The following ARL2BP variants were observed in gnomAD, a reference collection of about 807,000 sequenced individuals.
ARL2BP encodes ARF like GTPase 2 binding protein, also known as ADP-ribosylation factor-like protein 2-binding protein.
ARL2BP carries 19 observed loss-of-function variants against 24.2 expected under a neutral mutation model. That is an observed-to-expected ratio of 0.79 (90% confidence interval 0.55 to 1.15). The LOEUF is 1.15. Among genes scored for constraint, ARL2BP ranks in the 50% most tolerant of loss-of-function variants. The pLI, the probability that ARL2BP is intolerant of heterozygous loss-of-function variation, is 0.00. For missense variants in ARL2BP, 160 were observed against 190.4 expected (o/e 0.84, Z 0.94); for synonymous variants, 56 against 70.5 (o/e 0.79, Z 1.03).
intron 3 of ARL2BP, 172 bp from the exon 4 acceptor site, chr16:57,249,595 A>C: frequency 1.6e-6 from 1 of 609,050 alleles, no homozygotes; most frequent in Non-Finnish European, 2.9e-6. Context: ...CAGGCTGAGT[A>C]CTTCTCCAGG....
At position 57,252,545 on chromosome 16, in the gene ARL2BP, T is replaced by TGTCA. The variant is rs1273645670; in HGVS notation, c.*280_*283dup. 13 of 463,286 alleles carry TGTCA rather than the reference T, an allele frequency of 2.8e-5. No homozygotes were observed. Among genetic ancestry groups the TGTCA allele is most frequent in the Non-Finnish European group, 4.6e-5 (12 of 259,162 alleles). 28.7% of individuals were successfully genotyped at this position (463,286 alleles called of 1,614,324 possible). ...TCAGACGCCTCTGGAGCGAGCCCTA[T>TGTCA]GTCAGGCACTCCACCTGGGGGGCCC... On this transcript the variant is annotated 3_prime_UTR_variant, in exon 6 of 6. Coordinates refer to ENST00000219204, the MANE Select transcript of ARL2BP (RefSeq NM_012106.4).
chr16:57,250,330 G>A, intron 4 of ARL2BP, 81 bp from the exon 5 acceptor site: 1 of 1,238,146 alleles, frequency 8.1e-7, no homozygotes, highest in Non-Finnish European at 1.2e-6. Context: ...GTGGGGCTGG[G>A]GTGGTGGAAA....
chr16:57,250,645 T>C (rs1017362265), intron 5 of ARL2BP, 138 bp downstream of exon 5: 5 of 683,414 alleles, frequency 7.3e-6, no homozygotes, highest in Non-Finnish European at 1.3e-5. Flanking sequence ...AAGAGTGAGC[T>C]GCTATTCTGT....
chr16:57,250,706 T>TA, intron 5 of ARL2BP, 199 bp downstream of exon 5: 1 of 584,442 alleles, frequency 1.7e-6, no homozygotes, highest in Non-Finnish European at 3.0e-6. Context: ...GGTACCAACT[T>TA]AGAGTTCCTA....
chr16:57,246,925 G>A (rs1053761754), intron 2 of ARL2BP, among the ~76,000 whole-genome samples: 5 of 152,342 alleles, frequency 3.3e-5, no homozygotes, highest in Non-Finnish European at 5.9e-5. Flanking sequence ...GTTCCTACTT[G>A]TGGATGTATT....
chr16:57,245,524 G>A (rs1318011252), intron 1 of ARL2BP, 119 bp downstream of exon 1: 3 of 1,376,944 alleles, frequency 2.2e-6, no homozygotes, highest in African/African-American at 2.9e-5. Context: ...GCCGGGCAGG[G>A]TGGGGGCCGC....
chr16:57,245,899 G>GTT lies in ARL2BP; in HGVS notation c.39-180_39-179insTT, dbSNP rs2075388959. On this transcript the variant is annotated intron_variant, in intron 1 of 5. Coordinates refer to ENST00000219204, the MANE Select transcript of ARL2BP (RefSeq NM_012106.4). The stretch of plus-strand genomic sequence containing the variant: ...AACGTTCATGTCACAAACGTGCCGA[G>GTT]TGTGTTTTCTTCTGTTTGGACTTAC... 18 of 639,244 alleles carry GTT rather than the reference G, an allele frequency of 2.8e-5. No homozygotes were observed. The South Asian group carries it at 3.0e-4, about 11-fold the overall frequency. 39.6% of individuals were successfully genotyped at this position (639,244 alleles called of 1,614,324 possible).
Position 57,248,589 on chromosome 16 carries a change from G to C in ARL2BP, c.153G>C (p.Glu51Asp). ...QRNFMDKYYLEFEDTEENKLI... is the reference protein window; with the variant it reads ...QRNFMDKYYLDFEDTEENKLI... ...ATTTCATGGACAAGTACTACCTGGA[G>C]TTTGAAGACACAGAAGAGAATAAAC... The change falls in exon 3 of 6, where the codon GAG (glutamate) becomes GAC (aspartate). Residue 51 changes from glutamate to aspartate, a missense_variant. Physicochemically the swap from Glu to Asp is conservative, Grantham distance 45 (BLOSUM62 2). Transcript: ENST00000219204. 6.2e-7 allele frequency: 1 copy of C among 1,606,000 alleles called. No homozygotes were observed. The highest frequency in any genetic ancestry group is 1.1e-5 in the South Asian group (1 of 89,102).
chr16:57,248,411 T>C (rs2075397378), intron 2 of ARL2BP, 126 bp from the exon 3 acceptor site: 1 of 358,636 alleles, frequency 2.8e-6, no homozygotes, highest in Non-Finnish European at 5.4e-6. Flanking sequence ...CCTTAAAACA[T>C]CAGCTTTCCT....
intron 2 of ARL2BP, chr16:57,248,311 CAAAAAAAA>C (rs1161528446): frequency 0.11 from 5,577 of 49,214 alleles, 209 homozygotes; most frequent in East Asian, 0.35. Flanking sequence ...AACTCCAGCT[CAAAAAAAA>C]AAAAAAAAAA....
At chr16:57,246,759 G>A (rs1283471112) in intron 2 of ARL2BP, among the ~76,000 whole-genome samples, 5 of 152,164 alleles carry the variant, frequency 3.3e-5, no homozygotes, top group African/African-American at 7.2e-5. Context: ...ATCCGAGATC[G>A]TGCCACTTCA....
At position 57,252,345 on chromosome 16, in the gene ARL2BP, A is replaced by G. The variant is rs756448039; in HGVS notation, c.*78A>G. ...GGCTCAGCTCATGATGACAGAACAC[A>G]TCTTGGAAAGACTGACTCTGTTATG... On this transcript the variant is annotated 3_prime_UTR_variant, in exon 6 of 6. Transcript: ENST00000219204. 23 of 1,611,094 alleles carry G rather than the reference A, an allele frequency of 1.4e-5. No individual in the cohort carries two copies. In the African/African-American group the frequency reaches 2.3e-4, roughly 16 times the overall value.
Position 57,246,072 on chromosome 16 carries a change from T to C in ARL2BP, c.39-8T>C. On this transcript the variant is annotated splice_region_variant and splice_polypyrimidine_tract_variant and intron_variant, in intron 1 of 5. Coordinates refer to ENST00000219204, the MANE Select transcript of ARL2BP (RefSeq NM_012106.4). ...TGAAATAGCACCTAATCCAGGCATG[T>C]TTTTCAGCTCCTCCGCCTCTGATGC... The C allele has an allele frequency of 6.2e-7, 1 of 1,613,720 alleles. No individual in the cohort carries two copies. The highest frequency in any genetic ancestry group is 8.5e-7 in the Non-Finnish European group (1 of 1,179,778).
chr16:57,248,533 T>C lies in ARL2BP; in HGVS notation c.101-4T>C, dbSNP rs1055436259. ...AAGAATAAATTTTCCCCACTGTGGT[T>C]CAGATGACGAGTTCCAGTTATTACA... is the stretch of plus-strand genomic sequence containing the variant. On this transcript the variant is annotated splice_polypyrimidine_tract_variant and splice_region_variant and intron_variant, in intron 2 of 5. Transcript: ENST00000219204. 4 of 1,576,522 alleles carry C rather than the reference T, an allele frequency of 2.5e-6. No individual in the cohort carries two copies. The African/African-American group carries it at 5.4e-5, about 21-fold the overall frequency.
chr16:57,248,697 A>G, intron 3 of ARL2BP, 54 bp downstream of exon 3: 2 of 1,087,938 alleles, frequency 1.8e-6, no homozygotes, highest in South Asian at 1.6e-5. Context: ...AAAAATTTAA[A>G]TTTAGATTCA....
intron 4 of ARL2BP, chr16:57,250,201 A>G: frequency 1.7e-6 from 1 of 603,062 alleles, no homozygotes; most frequent in Non-Finnish European, 2.9e-6. Flanking sequence ...GAGGCTGGAG[A>G]ATCCCTTGAG....
intron 5 of ARL2BP, chr16:57,251,965 T>A (rs1435353658): frequency 3.8e-6 from 2 of 531,054 alleles, no homozygotes; most frequent in Non-Finnish European, 6.7e-6. Flanking sequence ...ACCCTACCTC[T>A]TTAAAAATAA....
rs1245163455 is a variant in ARL2BP at position 57,245,325 on chromosome 16, G to T, written c.-43G>T. ...CCGGGCGGCCGCGCCCTGCATGCGA[G>T]TTGGGCCGCGGGCGGGGTTGGAGCC... On this transcript the variant is annotated 5_prime_UTR_variant, in exon 1 of 6. Transcript: ENST00000219204. 1.3e-6 allele frequency: 2 copies of T among 1,592,950 alleles called. No individual in the cohort carries two copies.
intron 2 of ARL2BP, chr16:57,246,394 G>T (rs2075390515): frequency 2.3e-6 from 1 of 435,562 alleles, no homozygotes; most frequent in Non-Finnish European, 4.1e-6. Context: ...GGCACCAGCA[G>T]TGTGGCGTTC....
Sources: allele counts gnomAD v4.1 joint callset (sites outside exome capture counted in the v4.1 genomes callset), GRCh38; gene constraint gnomAD v4.1.1; transcripts MANE v1.5; gene names NCBI Gene and HGNC (gene_info 2026-07-23, HGNC 2026-07-21).